IFT122: variants seen among roughly 807,000 people sequenced by gnomAD.
IFT122 encodes intraflagellar transport 122.
A neutral mutation model predicts 161.6 loss-of-function variants in IFT122; 118 were observed. That is an observed-to-expected ratio of 0.73 (90% confidence interval 0.63 to 0.85). The LOEUF (loss-of-function observed/expected upper bound fraction) is 0.85, where lower values mean the gene tolerates loss of function less well. Among genes scored for constraint, IFT122 ranks in the 40% least tolerant of loss-of-function variants. IFT122 has a pLI of 0.00. For missense variants in IFT122, 1,381 were observed against 1,579.6 expected (o/e 0.87, Z 2.13); for synonymous variants, 550 against 602.4 (o/e 0.91, Z 1.27).
intron 27 of IFT122, among the ~76,000 whole-genome samples, chr3:129,518,214 A>G (rs1423368614): frequency 6.6e-6 from 1 of 152,150 alleles, no homozygotes; most frequent in African/African-American, 2.4e-5. Flanking sequence ...GCCCCCAGAA[A>G]CAGCCAGCTT....
intron 15 of IFT122, chr3:129,484,019 G>A (rs1332302236): frequency 4.9e-6 from 2 of 406,908 alleles, no homozygotes; most frequent in East Asian, 1.1e-4. Context: ...CCGGGAGTCC[G>A]GCAGGGTGTG....
At chr3:129,445,325 C>CA (rs150690971) in intron 1 of IFT122, among the ~76,000 whole-genome samples, 6,351 of 151,090 alleles carry the variant, frequency 0.042, 402 homozygotes, top group African/African-American at 0.13. Context: ...GACTCCACCT[C>CA]AAAAAAAACA....
In IFT122 at chr3:129,468,358, T is replaced by G. The variant is rs114729257; in HGVS notation, c.741-984T>G. ...GGCTAGGAATGCTTTTCTTTTTTTT[T>G]TTTGTGACAGAGTCTGGCTCTGTCA... On this transcript the variant is annotated intron_variant, in intron 8 of 29. Transcript: ENST00000348417. Among the ~76,000 whole-genome samples, 345 of 152,262 alleles carry G rather than the reference T, an allele frequency of 2.3e-3. 2 individuals are homozygous for G. The highest frequency in any genetic ancestry group is 7.7e-3 in the African/African-American group (321 of 41,562).
At chr3:129,486,804 A>G (rs1275148155) in intron 15 of IFT122, among the ~76,000 whole-genome samples, 2 of 152,232 alleles carry the variant, frequency 1.3e-5, no homozygotes, top group Non-Finnish European at 2.9e-5. Context: ...TGGGCAGGAC[A>G]TCTAAACAGA....
At chr3:129,487,894 G>A (rs1305743650) in intron 15 of IFT122, 2 of 365,614 alleles carry the variant, frequency 5.5e-6, no homozygotes, top group Non-Finnish European at 1.1e-5. Flanking sequence ...TGCAGAAGAG[G>A]TGACATTTCA....
intron 1 of IFT122, among the ~76,000 whole-genome samples, chr3:129,442,759 A>G (rs2073416624): frequency 1.3e-5 from 2 of 152,202 alleles, no homozygotes; most frequent in African/African-American, 4.8e-5. Flanking sequence ...ACTTCTCATA[A>G]ACCTAGAGTG....
intron 7 of IFT122, among the ~76,000 whole-genome samples, chr3:129,466,687 G>A (rs1333425796): frequency 1.3e-5 from 2 of 151,792 alleles, no homozygotes; most frequent in African/African-American, 2.4e-5. Flanking sequence ...ATTTTTGGTA[G>A]AGACAGGGTT....
At chr3:129,509,474 T>G (rs2082549540) in intron 23 of IFT122, among the ~76,000 whole-genome samples, 1 of 152,224 alleles carries the variant, frequency 6.6e-6, no homozygotes, top group Non-Finnish European at 1.5e-5. Context: ...TGTTAGCAGT[T>G]CCTGGGCCAA....
chr3:129,450,105 A>G (rs983625957), intron 2 of IFT122, among the ~76,000 whole-genome samples, 168 bp downstream of exon 2: 17 of 152,068 alleles, frequency 1.1e-4, no homozygotes, highest in African/African-American at 3.9e-4. Flanking sequence ...TAAAACGGGC[A>G]AGTAAACTAT....
At chr3:129,513,094 A>T (rs911557448) in intron 24 of IFT122, 1 of 155,986 alleles carries the variant, frequency 6.4e-6, no homozygotes, top group African/African-American at 2.4e-5. Flanking sequence ...GAGGGGCCGG[A>T]GAGGCAGCAG....
chr3:129,496,065 T>G (rs2080803992), intron 18 of IFT122, among the ~76,000 whole-genome samples: 1 of 152,214 alleles, frequency 6.6e-6, no homozygotes, highest in Non-Finnish European at 1.5e-5. Flanking sequence ...GTCCTGGACT[T>G]CTCACTGGGC....
chr3:129,499,819 G>A (rs537899725), intron 18 of IFT122, 83 bp from the exon 19 acceptor site: 137 of 1,554,302 alleles, frequency 8.8e-5, no homozygotes, highest in African/African-American at 1.2e-4. Flanking sequence ...TGTGGAGCCC[G>A]CCCTTGCTGC....
chr3:129,488,416 G>A lies in IFT122; in HGVS notation c.1992+19G>A. 5.0e-6 allele frequency: 8 copies of A among 1,614,050 alleles called. No individual in the cohort carries two copies. The highest frequency in any genetic ancestry group is 6.8e-6 in the Non-Finnish European group (8 of 1,179,972). ...AAAGAAGGTAAGCATCTAGCCAGCA[G>A]GAGCTGGAGTTTGGTCCTTGTGGGG... On this transcript the variant is annotated intron_variant, in intron 16 of 29. Coordinates refer to ENST00000348417, the MANE Select transcript of IFT122 (RefSeq NM_052989.3).
Position 129,519,161 on chromosome 3 carries a change from C to G in IFT122, c.3446C>G (p.Pro1149Arg), listed in dbSNP as rs373326394. The G allele has an allele frequency of 1.2e-6, 2 of 1,614,100 alleles. No homozygotes were observed. Among genetic ancestry groups the G allele is most frequent in the Non-Finnish European group, 1.7e-6 (2 of 1,180,006 alleles). ...AAGGACTCCATCGGAGATGAGGACC[C>G]GTTCACAGCTAAGCTGAGCTTTGAG... ...ETKDSIGDED[P>R]FTAKLSFEQG... Residue 1149 changes from proline to arginine, a missense_variant, in exon 28 of 30, where the codon CCG becomes CGG. This residue lies in a region of IFT122 where 177 missense variants were observed against 199.2 expected (regional missense o/e 0.89). Transcript: ENST00000348417.
At chr3:129,446,229 T>G (rs1168409919) in intron 1 of IFT122, among the ~76,000 whole-genome samples, 6 of 145,074 alleles carry the variant, frequency 4.1e-5, no homozygotes, top group South Asian at 2.2e-4. Flanking sequence ...AGGTTTTTTG[T>G]TTTTTTTTTT....
chr3:129,506,650 G>A lies in IFT122; in HGVS notation c.2791+101G>A, dbSNP rs566774874. ...ACATTTTAATTAAAGCCCTGGGCTTGTTTATTGGGTGTATTGTCCATAAGC... is the reference window on the plus strand; with the variant it reads ...ACATTTTAATTAAAGCCCTGGGCTTATTTATTGGGTGTATTGTCCATAAGC... On this transcript the variant is annotated intron_variant, in intron 22 of 29. Coordinates refer to ENST00000348417, the MANE Select transcript of IFT122 (RefSeq NM_052989.3). The A allele has an allele frequency of 2.3e-4, 341 of 1,501,910 alleles. 8 individuals are homozygous for A. The South Asian group carries it at 3.7e-3, about 16-fold the overall frequency. The allele number at this position is 1,501,910 out of a possible 1,614,324, so 93.0% of individuals were successfully genotyped here. A position where few individuals can be genotyped will look rare whatever the true frequency, so the allele number is the denominator to read the frequency against.
intron 17 of IFT122, 58 bp downstream of exon 17, chr3:129,492,252 G>C: frequency 7.5e-7 from 1 of 1,338,948 alleles, no homozygotes; most frequent in Non-Finnish European, 1.1e-6. Flanking sequence ...CCTGTTTTAG[G>C]GGCAGCCCTT....
chr3:129,449,207 A>G (rs1351605970), intron 1 of IFT122, among the ~76,000 whole-genome samples: 1 of 152,224 alleles, frequency 6.6e-6, no homozygotes. Context: ...TAAAGCCTTT[A>G]TCAGAGTACT....
At chr3:129,507,942 C>G (rs1241274041) in intron 23 of IFT122, among the ~76,000 whole-genome samples, 180 bp downstream of exon 23, 1 of 152,228 alleles carries the variant, frequency 6.6e-6, no homozygotes, top group East Asian at 1.9e-4. Context: ...TGTTTGTCTG[C>G]CATGCATCAA....
Sources: allele counts gnomAD v4.1 joint callset (sites outside exome capture counted in the v4.1 genomes callset), GRCh38; gene constraint gnomAD v4.1.1; regional missense constraint gnomAD v4.1.1; transcripts MANE v1.5; gene names NCBI Gene and HGNC (gene_info 2026-07-23, HGNC 2026-07-21).